The following NUP107 variants were observed in gnomAD, a reference collection of about 807,000 sequenced individuals.
NUP107 encodes nuclear pore complex protein Nup107.
NUP107 carries 101 observed loss-of-function variants against 141.0 expected under a neutral mutation model. That is an observed-to-expected ratio of 0.72 (90% CI 0.61 to 0.84). The LOEUF is 0.84. NUP107 is among the 40% of genes least tolerant of loss of function. The pLI is 0.00. For synonymous variants in NUP107, 319 were observed against 363.9 expected, an observed-to-expected ratio of 0.88 and a Z score of 1.41; for missense variants, 941 against 1,102.7, an observed-to-expected ratio of 0.85 and a Z score of 2.08.
chr12:68,705,995 C>A, intron 8 of NUP107: 1 of 892,428 alleles, frequency 1.1e-6, no homozygotes. Context: ...ATGCTGGAGA[C>A]CAAGTGGAGG....
At chr12:68,719,275 T>C (rs1453383991) in intron 12 of NUP107, 66 bp from the exon 13 acceptor site, 3 of 1,090,316 alleles carry the variant, frequency 2.8e-6, no homozygotes, top group Non-Finnish European at 4.2e-6. Context: ...GCTTGTCATA[T>C]ATTGGTTATA....
intron 26 of NUP107, among the ~76,000 whole-genome samples, chr12:68,735,859 T>A (rs996827057): frequency 2.0e-5 from 3 of 152,204 alleles, no homozygotes; most frequent in Non-Finnish European, 2.9e-5. Flanking sequence ...GAGAACCAGC[T>A]ACAGAAGTAT....
At chr12:68,728,311 G>C (rs1034056155) in intron 20 of NUP107, among the ~76,000 whole-genome samples, 1 of 150,314 alleles carries the variant, frequency 6.7e-6, no homozygotes, top group Non-Finnish European at 1.5e-5. Context: ...AAACAATCAG[G>C]CCAGACGTGG....
At chr12:68,740,903 G>A (rs760353269) in intron 26 of NUP107, among the ~76,000 whole-genome samples, 3 of 151,242 alleles carry the variant, frequency 2.0e-5, no homozygotes, top group East Asian at 3.9e-4. Flanking sequence ...AAAATTAGCC[G>A]GGCATGGTGG....
In NUP107 at chr12:68,705,904, G is replaced by A. The variant is rs1280435398; in HGVS notation, c.729+3120G>A. 12 of 880,400 alleles carry A rather than the reference G, an allele frequency of 1.4e-5. No homozygotes were observed. The Admixed American group carries it at 1.9e-4, about 14-fold the overall frequency. The allele number at this position is 880,400 out of a possible 1,614,324, so 54.5% of individuals were successfully genotyped here. A position where few individuals can be genotyped will look rare whatever the true frequency, so the allele number is the denominator to read the frequency against. ...CAACATCCAAGCTGTGTGCACCCAGGTGAAGGAGCAGATCAAGACCCTCAA... is the reference window on the plus strand; with the variant it reads ...CAACATCCAAGCTGTGTGCACCCAGATGAAGGAGCAGATCAAGACCCTCAA... On this transcript the variant is annotated intron_variant, in intron 8 of 27. Coordinates refer to ENST00000229179, the MANE Select transcript of NUP107 (RefSeq NM_020401.4).
intron 4 of NUP107, among the ~76,000 whole-genome samples, chr12:68,691,303 G>A (rs928892768): frequency 1.3e-5 from 2 of 152,166 alleles, no homozygotes; most frequent in Admixed American, 6.5e-5. Context: ...TGCTGTGGTT[G>A]GTTGCTGATG....
chr12:68,724,539 G>A (rs548129714), intron 17 of NUP107, among the ~76,000 whole-genome samples: 33 of 152,246 alleles, frequency 2.2e-4, no homozygotes, highest in African/African-American at 7.5e-4. Flanking sequence ...CAGTTTTGGA[G>A]GCTGAAGCAG....
At position 68,726,605 on chromosome 12, in the gene NUP107, A is replaced by G. The variant is rs2136038492; in HGVS notation, c.1683A>G (p.Gly561=). 4 of 1,598,156 alleles carry G rather than the reference A, an allele frequency of 2.5e-6. No individual in the cohort carries two copies. Among genetic ancestry groups the G allele is most frequent in the Non-Finnish European group, 3.4e-6 (4 of 1,165,630 alleles). Residue 561 remains glycine, a synonymous_variant, in exon 19 of 28, where the codon GGA becomes GGG. Transcript: ENST00000229179. ...TTATTTTGTTTTTCCGTACTCTGGG[A>G]CTACAGACCAAGGTATATAAAAATG... The part of the protein sequence containing the change: ...THLILFFRTL[G]LQTKEEVSIE...
intron 26 of NUP107, among the ~76,000 whole-genome samples, chr12:68,736,711 C>T (rs1481403274): frequency 4.9e-5 from 7 of 143,902 alleles, no homozygotes; most frequent in Middle Eastern, 3.6e-3. Context: ...GTCAATGTGT[C>T]GCCACCTTTT....
chr12:68,687,314 G>A, intron 1 of NUP107: 1 of 682,938 alleles, frequency 1.5e-6, no homozygotes, highest in East Asian at 3.1e-5. Context: ...CGATCTATTC[G>A]GCGCTTTGGG....
intron 6 of NUP107, among the ~76,000 whole-genome samples, chr12:68,699,402 AAAG>A (rs1305350473): frequency 3.3e-5 from 5 of 152,132 alleles, no homozygotes; most frequent in African/African-American, 1.2e-4. Context: ...AAACTACACT[AAAG>A]AAGTCTATTT....
chr12:68,687,200 T>TC, intron 1 of NUP107, 127 bp downstream of exon 1: 1 of 1,335,478 alleles, frequency 7.5e-7, no homozygotes, highest in Non-Finnish European at 1.0e-6. Context: ...TAAGGCTCCT[T>TC]CCCCATGCCG....
At chr12:68,726,988 A>G (rs1282315401) in intron 19 of NUP107, among the ~76,000 whole-genome samples, 3 of 152,238 alleles carry the variant, frequency 2.0e-5, no homozygotes, top group Admixed American at 6.5e-5. Context: ...CATTTTGGTC[A>G]GAGTGCATGT....
intron 26 of NUP107, among the ~76,000 whole-genome samples, chr12:68,735,925 G>A (rs758036286): frequency 2.0e-5 from 3 of 152,188 alleles, no homozygotes; most frequent in Non-Finnish European, 4.4e-5. Context: ...GAAAAGAAAA[G>A]ATTGTTTTCA....
chr12:68,742,233 G>A (rs1209517853), intron 27 of NUP107, 122 bp from the exon 28 acceptor site: 2 of 670,472 alleles, frequency 3.0e-6, no homozygotes, highest in African/African-American at 1.8e-5. Context: ...CTAGGCTCTG[G>A]CTACATAAAT....
chr12:68,689,151 T>C, intron 2 of NUP107, 98 bp downstream of exon 2: 1 of 885,878 alleles, frequency 1.1e-6, no homozygotes, highest in South Asian at 1.9e-5. Flanking sequence ...ATGGTAGCTA[T>C]AATAAAATCC....
chr12:68,705,801 G>A, intron 8 of NUP107: 1 of 762,584 alleles, frequency 1.3e-6, no homozygotes. Context: ...ACTTTGGCAG[G>A]GCCAGTGGTA....
At chr12:68,729,794 C>CTT (rs1253432702) in intron 20 of NUP107, among the ~76,000 whole-genome samples, 1 of 128,220 alleles carries the variant, frequency 7.8e-6, no homozygotes, top group Admixed American at 7.7e-5. Context: ...GTTTGTGAGT[C>CTT]TTTTTTTTTT....
At chr12:68,722,663 T>C (rs1877404713) in intron 17 of NUP107, among the ~76,000 whole-genome samples, 1 of 152,188 alleles carries the variant, frequency 6.6e-6, no homozygotes, top group African/African-American at 2.4e-5. Context: ...GTAAATAATG[T>C]AGATACTCCA....
Sources: allele counts gnomAD v4.1 joint callset (sites outside exome capture counted in the v4.1 genomes callset), GRCh38; gene constraint gnomAD v4.1.1; transcripts MANE v1.5; gene names NCBI Gene and HGNC (gene_info 2026-07-23, HGNC 2026-07-21).